The following OOSP3 variants were observed in gnomAD, a reference collection of about 807,000 sequenced individuals.
OOSP3 encodes the protein oocyte secreted protein family member 3.
chr11:59,890,692 C>G (rs1238783348), intron 2 of OOSP3, among the ~76,000 whole-genome samples: 1 of 152,182 alleles, frequency 6.6e-6, no homozygotes, highest in Non-Finnish European at 1.5e-5. Flanking sequence ...TGGCCTTTCT[C>G]TCTGACTGCC....
intron 2 of OOSP3, among the ~76,000 whole-genome samples, chr11:59,885,289 T>TG (rs201609143): frequency 0.02 from 3,051 of 152,120 alleles, 126 homozygotes; most frequent in African/African-American, 0.07. Context: ...TATTTTTTGT[T>TG]GGGGGGGCGC....
chr11:59,891,961 C>T (rs1014554877), intron 2 of OOSP3, among the ~76,000 whole-genome samples: 7 of 152,178 alleles, frequency 4.6e-5, no homozygotes, highest in Non-Finnish European at 1.0e-4. Flanking sequence ...GAGTGTGATC[C>T]GCTGAGCAAG....
At position 59,895,386 on chromosome 11, in the gene OOSP3, C is replaced by G. The variant is rs147263469; in HGVS notation, c.351-116C>G. ...CAGAGAGGTAGCAGTGTTAGTAAGT[C>G]TACTACTGCTAAAGTAGAAGGAAAA... On this transcript the variant is annotated intron_variant, in intron 3 of 4. Coordinates refer to ENST00000646438, the Ensembl canonical transcript of OOSP3. 1,418 of 367,360 alleles carry G rather than the reference C, an allele frequency of 3.9e-3. 25 individuals carry two copies. Among genetic ancestry groups the G allele is most frequent in the African/African-American group, 0.028 (1,276 of 45,664 alleles). 22.8% of individuals were successfully genotyped at this position (367,360 alleles called of 1,614,324 possible). A position where few individuals can be genotyped will look rare whatever the true frequency, so the allele number is the denominator to read the frequency against.
intron 2 of OOSP3, among the ~76,000 whole-genome samples, chr11:59,880,994 C>G (rs565002864): frequency 2.0e-4 from 31 of 152,120 alleles, no homozygotes; most frequent in Non-Finnish European, 3.7e-4. Flanking sequence ...ACATCTATGT[C>G]CATGAATGAG....
intron 2 of OOSP3, among the ~76,000 whole-genome samples, chr11:59,885,180 GTATGTGGAGCCAACA>G (rs1234210041): frequency 2.0e-5 from 3 of 152,060 alleles, no homozygotes; most frequent in Non-Finnish European, 4.4e-5. Context: ...ATTGATTTTT[GTATGTGGAGCCAACA>G]TATCCTTTTC....
chr11:59,884,471 GTCTGTCTCTCTCTCTCTC>G (rs1288269911), intron 2 of OOSP3, among the ~76,000 whole-genome samples: 37 of 100,126 alleles, frequency 3.7e-4, no homozygotes, highest in Middle Eastern at 5.0e-3. Context: ...CTGTCTGTCT[GTCTGTCTCTCTCTCTCTC>G]TCTCTCTCTC....
At chr11:59,893,931 A>G (rs1266595478) in intron 2 of OOSP3, 148 bp from the exon 3 acceptor site, 4 of 392,648 alleles carry the variant, frequency 1.0e-5, no homozygotes, top group African/African-American at 4.1e-5. Context: ...TTTTCTGGTG[A>G]ATCAGTTTTC....
At chr11:59,883,940 C>T (rs1853225599) in intron 2 of OOSP3, among the ~76,000 whole-genome samples, 1 of 152,148 alleles carries the variant, frequency 6.6e-6, no homozygotes, top group Non-Finnish European at 1.5e-5. Context: ...TAAATGAAAA[C>T]ATTAATGTGA....
At chr11:59,878,832 G>C (rs1853176416) in exon 1 of OOSP3, 1 of 398,416 alleles carries the variant, frequency 2.5e-6, no homozygotes, top group African/African-American at 2.1e-5. Flanking sequence ...TGAGGTTACA[G>C]TCCTCTTTCC....
At chr11:59,880,822 G>T (rs1853191774) in intron 2 of OOSP3, among the ~76,000 whole-genome samples, 1 of 152,146 alleles carries the variant, frequency 6.6e-6, no homozygotes, top group South Asian at 2.1e-4. Flanking sequence ...ACTGAAACTT[G>T]CATGTTGGTA....
chr11:59,881,518 G>A (rs936043818), intron 2 of OOSP3, among the ~76,000 whole-genome samples: 1 of 152,176 alleles, frequency 6.6e-6, no homozygotes, highest in East Asian at 1.9e-4. Context: ...GGAGGAGAGC[G>A]AGAGTTTTCT....
intron 2 of OOSP3, among the ~76,000 whole-genome samples, chr11:59,881,204 A>G (rs1458279795): frequency 6.6e-6 from 1 of 152,066 alleles, no homozygotes; most frequent in African/African-American, 2.4e-5. Context: ...ACTAAAAAAT[A>G]TATAAAAAAT....
exon 5 of OOSP3, chr11:59,896,240 CTG>C: frequency 2.5e-6 from 1 of 398,342 alleles, no homozygotes; most frequent in Non-Finnish European, 4.4e-6. Flanking sequence ...CCTGAAAACT[CTG>C]TTGCTACAGC....
intron 2 of OOSP3, among the ~76,000 whole-genome samples, chr11:59,884,884 T>C (rs759944982): frequency 6.6e-6 from 1 of 152,190 alleles, no homozygotes; most frequent in African/African-American, 2.4e-5. Context: ...TGCCTAATTT[T>C]CCTAGCTAGA....
At chr11:59,879,326 C>T (rs1178395695) in intron 1 of OOSP3, among the ~76,000 whole-genome samples, 1 of 152,090 alleles carries the variant, frequency 6.6e-6, no homozygotes, top group Non-Finnish European at 1.5e-5. Flanking sequence ...TTTCTCCTTT[C>T]ACTTCTTATT....
At chr11:59,887,024 C>A (rs374861715) in intron 2 of OOSP3, among the ~76,000 whole-genome samples, 17 of 151,876 alleles carry the variant, frequency 1.1e-4, no homozygotes, top group South Asian at 2.1e-4. Context: ...TGAACTCCTG[C>A]CCTCAAGTGA....
intron 1 of OOSP3, among the ~76,000 whole-genome samples, chr11:59,879,356 G>A (rs1188407695): frequency 6.6e-6 from 1 of 151,914 alleles, no homozygotes; most frequent in Non-Finnish European, 1.5e-5. Context: ...TCATAAAGTT[G>A]TTATCATTAA....
chr11:59,895,545 A>C (rs1853348069), exon 4 of OOSP3: 3 of 398,304 alleles, frequency 7.5e-6, no homozygotes, highest in Admixed American at 8.8e-5. Context: ...TAACAATCTT[A>C]CAGAATTCCA....
At chr11:59,879,862 C>G (rs1175412134) in intron 1 of OOSP3, among the ~76,000 whole-genome samples, 1 of 152,116 alleles carries the variant, frequency 6.6e-6, no homozygotes, top group Non-Finnish European at 1.5e-5. Flanking sequence ...GAGTCAGAGG[C>G]CATAGAAGCT....
Sources: gnomAD v4.1 joint callset for allele counts (sites outside exome capture counted in the v4.1 genomes callset) on GRCh38, gnomAD v4.1.1 for gene constraint, MANE v1.5 for transcripts, NCBI Gene and HGNC (gene_info 2026-07-23, HGNC 2026-07-21) for gene names.